CNGA3: variants seen among roughly 807,000 people sequenced by gnomAD.
CNGA3 encodes cyclic nucleotide gated channel subunit alpha 3.
In CNGA3, 42 loss-of-function variants were observed where a neutral mutation model predicts 46.6. That is an observed-to-expected ratio of 0.90 (90% CI 0.70 to 1.17). The LOEUF (loss-of-function observed/expected upper bound fraction) is 1.17. CNGA3 is among the 50% of genes most tolerant of loss of function. CNGA3 has a pLI of 0.00. For missense variants in CNGA3, 893 were observed against 890.7 expected, an observed-to-expected ratio of 1.00 and a Z score of -0.03; for synonymous variants, 394 against 369.4, an observed-to-expected ratio of 1.07 and a Z score of -0.76.
Position 98,389,748 on chromosome 2 carries a change from C to G in CNGA3, c.540C>G (p.Phe180Leu), listed in dbSNP as rs1168098739. ...TGACCGCCATCGCCCTGCCTGTCTT[C>G]TATAACTGGTATCTGCTTATTTGCA... ...RWLTAIALPV[F>L]YNWYLLICRA... is the part of the protein sequence containing the mutation. The change falls in exon 6 of 8, where the codon TTC becomes TTG. Residue 180 changes from phenylalanine to leucine, a missense_variant. Physicochemically the swap from Phe to Leu is conservative, Grantham distance 22. Transcript: ENST00000272602. The G allele has an allele frequency of 1.4e-5, 23 of 1,613,042 alleles. No homozygotes were observed. The highest frequency in any genetic ancestry group is 1.9e-5 in the Non-Finnish European group (23 of 1,179,838).
At chr2:98,384,686 T>C (rs1692615386) in intron 5 of CNGA3, among the ~76,000 whole-genome samples, 1 of 152,060 alleles carries the variant, frequency 6.6e-6, no homozygotes, top group African/African-American at 2.4e-5. Context: ...GCAGCTGCAG[T>C]ATCAAGTCTT....
At chr2:98,391,332 G>A (rs558683572) in intron 6 of CNGA3, among the ~76,000 whole-genome samples, 56 of 152,282 alleles carry the variant, frequency 3.7e-4, no homozygotes, top group African/African-American at 1.2e-3. Flanking sequence ...GTGGGCAGGA[G>A]GCTTTGGGGC....
rs991850142 is a variant in CNGA3, at chr2:98,397,473, T to C, written c.*218T>C. The C allele has an allele frequency of 3.3e-6, 2 of 608,784 alleles. No homozygotes were observed. Among genetic ancestry groups the C allele is most frequent in the Non-Finnish European group, 5.8e-6 (2 of 342,300 alleles). The allele number at this position is 608,784 out of a possible 1,614,324, so 37.7% of individuals were successfully genotyped here. A position where few individuals can be genotyped will look rare whatever the true frequency, so the allele number is the denominator to read the frequency against. On this transcript the variant is annotated 3_prime_UTR_variant, in exon 8 of 8. Coordinates refer to ENST00000272602, the MANE Select transcript of CNGA3 (RefSeq NM_001298.3). ...GCCAGGTTTGATTGTGAAGTCCGCA[T>C]GAAACACTGCACCAGGCAGGGCTTT...
intron 1 of CNGA3, among the ~76,000 whole-genome samples, chr2:98,360,311 C>T (rs984163660): frequency 3.9e-5 from 6 of 152,180 alleles, no homozygotes; most frequent in African/African-American, 1.4e-4. Flanking sequence ...AGAGGTACTG[C>T]CTCCATGCAA....
chr2:98,388,197 C>T (rs1692699394), intron 5 of CNGA3, among the ~76,000 whole-genome samples: 1 of 152,240 alleles, frequency 6.6e-6, no homozygotes, highest in South Asian at 2.1e-4. Flanking sequence ...CGGGACGCAG[C>T]AGCCTGCCCC....
chr2:98,383,269 A>T, intron 4 of CNGA3, 119 bp from the exon 5 acceptor site: 1 of 967,288 alleles, frequency 1.0e-6, no homozygotes, highest in South Asian at 1.3e-5. Flanking sequence ...CTGTGAGTGC[A>T]AAGGCTGGAA....
chr2:98,390,199 G>C (rs894468041), intron 6 of CNGA3, among the ~76,000 whole-genome samples: 2 of 151,586 alleles, frequency 1.3e-5, no homozygotes, highest in African/African-American at 2.4e-5. Flanking sequence ...TCAGTGGCGC[G>C]ATCTCAGCTA....
At chr2:98,346,562 G>A in intron 1 of CNGA3, 28 bp downstream of exon 1, 2 of 397,388 alleles carry the variant, frequency 5.0e-6, no homozygotes, top group Non-Finnish European at 4.4e-6. Flanking sequence ...CTCTTGAGCT[G>A]GAATTTTTTG....
chr2:98,389,552 A>G, intron 5 of CNGA3, 106 bp from the exon 6 acceptor site: 2 of 953,424 alleles, frequency 2.1e-6, no homozygotes, highest in Non-Finnish European at 3.4e-6. Context: ...TGTTGTGGAC[A>G]GCCACATCTT....
At chr2:98,381,113 G>A (rs1692527682) in intron 4 of CNGA3, among the ~76,000 whole-genome samples, 1 of 152,172 alleles carries the variant, frequency 6.6e-6, no homozygotes. Flanking sequence ...CTCCCCAGCA[G>A]GTGGTCTGCA....
At chr2:98,368,350 C>G (rs987064763) in intron 1 of CNGA3, among the ~76,000 whole-genome samples, 38 of 152,192 alleles carry the variant, frequency 2.5e-4, no homozygotes, top group African/African-American at 8.9e-4. Context: ...GGAGTGGTCT[C>G]CACTGACATC....
chr2:98,395,732 A>G, intron 7 of CNGA3, 112 bp from the exon 8 acceptor site: 2 of 818,066 alleles, frequency 2.4e-6, no homozygotes. Flanking sequence ...CATTTCTATT[A>G]TATATGTATC....
intron 3 of CNGA3, chr2:98,378,251 G>C (rs1692457366): frequency 6.5e-7 from 1 of 1,537,070 alleles, no homozygotes; most frequent in Non-Finnish European, 8.8e-7. Flanking sequence ...GCATTTGTTT[G>C]CAAGATTAGT....
chr2:98,391,968 C>A lies in CNGA3; in HGVS notation c.671C>A (p.Thr224Lys). 1 of 1,613,578 alleles carries A rather than the reference C, an allele frequency of 6.2e-7. No homozygotes were observed. Among genetic ancestry groups the A allele is most frequent in the Non-Finnish European group, 8.5e-7 (1 of 1,179,814 alleles). The stretch of plus-strand genomic sequence containing the variant: ...TTGGATGTGCTTGTACGAGCTCGGA[C>A]AGGTGAGTGTGCCCCAGGCCTGGGG... ...YVLDVLVRAR[T>K]GFLEQGLMVS... is the part of the protein sequence containing the mutation. The change falls in exon 7 of 8, where the codon ACA becomes AAA. Residue 224 changes from threonine (T) to lysine (K), a missense_variant and splice_region_variant. This residue lies in a region of CNGA3 where 333 missense variants were observed against 290.8 expected (regional missense o/e 1.15). Transcript: ENST00000272602.
chr2:98,368,530 C>T (rs141769525), intron 1 of CNGA3, among the ~76,000 whole-genome samples: 3 of 152,330 alleles, frequency 2.0e-5, no homozygotes, highest in African/African-American at 7.2e-5. Flanking sequence ...ACAGGGGCAC[C>T]TTCCAATGTT....
In CNGA3 at chr2:98,396,440, A is replaced by T. The variant is rs752934884; in HGVS notation, c.1270A>T (p.Met424Leu). The change falls in exon 8 of 8, where the codon ATG becomes TTG. Residue 424 changes from methionine to leucine, a missense_variant. Transcript: ENST00000272602. ...QAKIDSIKQY[M>L]QFRKVTKDLE... ...CAAGATTGATTCCATCAAGCAGTACATGCAGTTCCGCAAGGTCACCAAGGA... is the reference window on the plus strand; with the variant it reads ...CAAGATTGATTCCATCAAGCAGTACTTGCAGTTCCGCAAGGTCACCAAGGA... 4.3e-6 allele frequency: 7 copies of T among 1,613,964 alleles called. No homozygotes were observed. In the South Asian group the frequency reaches 7.7e-5, roughly 18 times the overall value.
rs144189784 is a variant in CNGA3, at chr2:98,366,745, G to A, written c.-37-3194G>A. Among the ~76,000 whole-genome samples the A allele has an allele frequency of 3.9e-3, 590 of 152,302 alleles. 1 individual carries two copies. Among genetic ancestry groups the A allele is most frequent in the Middle Eastern group, 0.027 (8 of 294 alleles). ...GCCCAGTCTCCACGACTCCAGCAGG[G>A]GAAAATGGCAGACTGGAACTCCAGT... is the stretch of plus-strand genomic sequence containing the variant. On this transcript the variant is annotated intron_variant, in intron 1 of 7. Transcript: ENST00000272602.
In CNGA3 at chr2:98,377,726, G is replaced by T. The variant is rs146318973; in HGVS notation, c.141G>T (p.Gln47His). The change falls in exon 3 of 8, where the codon CAG (glutamine) becomes CAT (histidine). Residue 47 changes from glutamine to histidine, a missense_variant. Coordinates refer to ENST00000272602, the MANE Select transcript of CNGA3 (RefSeq NM_001298.3). The part of the protein sequence containing the change: ...SSSEETSSVL[Q>H]PGIAMETRGL... The stretch of plus-strand genomic sequence containing the variant: ...GTGAGGAGACATCGTCAGTGCTGCA[G>T]CCGGGGATCGCCATGGAGACCAGAG... 4.3e-6 allele frequency: 7 copies of T among 1,613,384 alleles called. No homozygotes were observed. In the African/African-American group the frequency reaches 5.3e-5, roughly 12 times the overall value.
intron 3 of CNGA3, chr2:98,378,176 A>AT (rs1692453933): frequency 6.4e-7 from 1 of 1,550,522 alleles, no homozygotes; most frequent in Admixed American, 2.0e-5. Flanking sequence ...TGAGTCTGAA[A>AT]TGGCTCTGGC....
Sources: allele counts gnomAD v4.1 joint callset (sites outside exome capture counted in the v4.1 genomes callset), GRCh38; gene constraint gnomAD v4.1.1; regional missense constraint gnomAD v4.1.1; transcripts MANE v1.5; gene names NCBI Gene and HGNC (gene_info 2026-07-23, HGNC 2026-07-21).